Variants in DGKB observed in about 807,000 individuals in gnomAD.
The protein encoded by DGKB is diacylglycerol kinase beta.
DGKB carries 67 observed loss-of-function variants against 114.3 expected under a neutral mutation model. That is an observed-to-expected ratio of 0.59 (90% CI 0.48 to 0.72). The LOEUF (loss-of-function observed/expected upper bound fraction) is 0.72, where lower values mean the gene tolerates loss of function less well. DGKB is among the 30% of genes least tolerant of loss of function. The probability of loss-of-function intolerance (pLI) is 0.00; values close to 1 mark genes in which losing one functional copy is unlikely to be tolerated. For synonymous variants in DGKB, 398 were observed against 323.1 expected (o/e 1.23, Z -2.49); for missense variants, 907 against 975.2 (o/e 0.93, Z 0.93).
At chr7:14,920,659 G>A (rs1420621429) in intron 1 of DGKB, among the ~76,000 whole-genome samples, 2 of 152,092 alleles carry the variant, frequency 1.3e-5, no homozygotes, top group Admixed American at 6.6e-5. Context: ...ATACCCAACT[G>A]AGTTGAAAAC....
chr7:14,803,747 T>C (rs1185445831), intron 2 of DGKB, among the ~76,000 whole-genome samples: 3 of 152,166 alleles, frequency 2.0e-5, no homozygotes, highest in Admixed American at 6.6e-5. Flanking sequence ...GATAAAGCTT[T>C]CTGTATTTTC....
intron 13 of DGKB, among the ~76,000 whole-genome samples, chr7:14,665,372 G>A (rs999494431): frequency 6.6e-5 from 10 of 152,002 alleles, no homozygotes; most frequent in African/African-American, 1.9e-4. Flanking sequence ...GACAGAGGGT[G>A]GAGGGTGGGA....
intron 21 of DGKB, among the ~76,000 whole-genome samples, chr7:14,444,337 T>C (rs950846360): frequency 1.3e-5 from 2 of 151,852 alleles, no homozygotes; most frequent in African/African-American, 2.4e-5. Flanking sequence ...TTGATAATTG[T>C]ATATATGAGT....
At chr7:14,315,585 A>G (rs1806319655) in intron 23 of DGKB, among the ~76,000 whole-genome samples, 1 of 149,324 alleles carries the variant, frequency 6.7e-6, no homozygotes, top group Non-Finnish European at 1.5e-5. Flanking sequence ...AGAGCTAACT[A>G]TCCTAAATAT....
chr7:14,735,663 T>C (rs1831598744), intron 5 of DGKB, among the ~76,000 whole-genome samples: 3 of 152,178 alleles, frequency 2.0e-5, no homozygotes, highest in South Asian at 4.1e-4. Flanking sequence ...TATTGGCAAT[T>C]AGCAAAATAG....
chr7:14,787,941 TACAGGTC>T (rs1254922791), intron 2 of DGKB, among the ~76,000 whole-genome samples: 1 of 118,318 alleles, frequency 8.5e-6, no homozygotes, highest in African/African-American at 3.5e-5. Flanking sequence ...CCACCACCAT[TACAGGTC>T]AGCATTTGAC....
intron 2 of DGKB, among the ~76,000 whole-genome samples, chr7:14,800,283 T>C (rs1397038316): frequency 6.6e-6 from 1 of 152,226 alleles, no homozygotes; most frequent in Non-Finnish European, 1.5e-5. Context: ...CTACCGAGTG[T>C]CAACTTGATT....
intron 23 of DGKB, among the ~76,000 whole-genome samples, chr7:14,268,089 A>G (rs1797767319): frequency 6.6e-6 from 1 of 152,138 alleles, no homozygotes; most frequent in African/African-American, 2.4e-5. Context: ...TTTGGAGATG[A>G]GTCAAGTCTG....
At chr7:14,312,209 T>C (rs556676092) in intron 23 of DGKB, among the ~76,000 whole-genome samples, 1 of 152,312 alleles carries the variant, frequency 6.6e-6, no homozygotes, top group South Asian at 2.1e-4. Context: ...TAATGCAGTA[T>C]AGAGACCTGA....
intron 23 of DGKB, chr7:14,268,808 G>A (rs977183514): frequency 1.4e-4 from 22 of 152,184 alleles, no homozygotes; most frequent in Non-Finnish European, 3.2e-4. Flanking sequence ...TAAAAATAAT[G>A]TGAATAGCAA....
At chr7:14,443,775 T>G (rs1830380022) in intron 21 of DGKB, among the ~76,000 whole-genome samples, 1 of 152,022 alleles carries the variant, frequency 6.6e-6, no homozygotes, top group African/African-American at 2.4e-5. Flanking sequence ...GTTTTTGAGG[T>G]GGTGTGATTC....
intron 23 of DGKB, among the ~76,000 whole-genome samples, chr7:14,326,065 T>C (rs2128547684): frequency 7.0e-6 from 1 of 143,672 alleles, no homozygotes. Context: ...GGTCACAGAT[T>C]TCTTTTTTTT....
At chr7:14,227,111 C>T (rs1790925961) in intron 23 of DGKB, among the ~76,000 whole-genome samples, 1 of 151,976 alleles carries the variant, frequency 6.6e-6, no homozygotes, top group Non-Finnish European at 1.5e-5. Context: ...TATCTCAAGG[C>T]CCACAGCTAT....
At chr7:14,165,688 TG>T (rs1784521714) in intron 25 of DGKB, among the ~76,000 whole-genome samples, 7 of 152,226 alleles carry the variant, frequency 4.6e-5, no homozygotes, top group Admixed American at 4.6e-4. Context: ...CTCATTTAAA[TG>T]GTATTTGAAA....
intron 2 of DGKB, among the ~76,000 whole-genome samples, chr7:14,822,720 C>A (rs1179549960): frequency 6.6e-6 from 1 of 152,020 alleles, no homozygotes; most frequent in Non-Finnish European, 1.5e-5. Context: ...TAGAGGAAAT[C>A]CTTGAAATCA....
At chr7:14,267,229 C>G (rs1797647524) in intron 23 of DGKB, among the ~76,000 whole-genome samples, 1 of 152,168 alleles carries the variant, frequency 6.6e-6, no homozygotes, top group South Asian at 2.1e-4. Context: ...GCCTCCACCT[C>G]CTATCTCAAC....
At chr7:14,886,712 C>T (rs1467305248) in intron 1 of DGKB, among the ~76,000 whole-genome samples, 1 of 151,924 alleles carries the variant, frequency 6.6e-6, no homozygotes, top group East Asian at 1.9e-4. Flanking sequence ...TGGCTGGCTA[C>T]CACCTTCCAT....
rs1562634514 is a variant in DGKB, at chr7:14,212,430, A to ATTTACTCTCGTGTTTTGTGAT, written c.2123-34280_2123-34279insATCACAAAACACGAGAGTAAA. ...TGATTTTACTCTCGTGTTTTGTGATATTTACTCTCATGTTTTGTGTTCCTC... is the reference window on the plus strand; with the variant it reads ...TGATTTTACTCTCGTGTTTTGTGATATTTACTCTCGTGTTTTGTGATTTTACTCTCATGTTTTGTGTTCCTC... On this transcript the variant is annotated intron_variant, in intron 23 of 25. Transcript: ENST00000402815. 4.2e-4 allele frequency among the ~76,000 whole-genome samples: 26 copies of ATTTACTCTCGTGTTTTGTGAT among 61,320 alleles called. 6 individuals are homozygous for ATTTACTCTCGTGTTTTGTGAT. The highest frequency in any genetic ancestry group is 8.2e-4 in the Non-Finnish European group (21 of 25,648). The allele number at this position is 61,320 out of a possible 152,430, so 40.2% of individuals were successfully genotyped here.
chr7:14,654,145 T>G (rs1321893955), intron 13 of DGKB, among the ~76,000 whole-genome samples: 1 of 151,870 alleles, frequency 6.6e-6, no homozygotes, highest in Non-Finnish European at 1.5e-5. Flanking sequence ...CCTGAAGACT[T>G]CACAAAAAAC....
Sources: allele counts gnomAD v4.1 joint callset (sites outside exome capture counted in the v4.1 genomes callset), GRCh38; gene constraint gnomAD v4.1.1; transcripts MANE v1.5; gene names NCBI Gene and HGNC (gene_info 2026-07-23, HGNC 2026-07-21).